The following MACROD2 variants were observed in gnomAD, a reference collection of about 807,000 sequenced individuals.
MACROD2 encodes the protein mono-ADP ribosylhydrolase 2, also known as ADP-ribose glycohydrolase MACROD2.
MACROD2 carries 36 observed loss-of-function variants against 70.4 expected under a neutral mutation model. That is an observed-to-expected ratio of 0.51 (90% CI 0.39 to 0.68). The LOEUF (loss-of-function observed/expected upper bound fraction) is 0.68, where lower values mean the gene tolerates loss of function less well. Among genes scored for constraint, MACROD2 ranks in the 30% least tolerant of loss-of-function variants. The pLI is 0.00. For synonymous variants in MACROD2, 172 were observed against 178.8 expected, an observed-to-expected ratio of 0.96 and a Z score of 0.30; for missense variants, 496 against 538.4, an observed-to-expected ratio of 0.92 and a Z score of 0.78.
intron 3 of MACROD2, among the ~76,000 whole-genome samples, chr20:14,275,161 C>T (rs577490077): frequency 6.6e-6 from 1 of 152,032 alleles, no homozygotes; most frequent in East Asian, 1.9e-4. Context: ...AAAAAAGAGC[C>T]CGCATCGCCA....
chr20:15,291,498 C>G (rs1285642993), intron 6 of MACROD2, among the ~76,000 whole-genome samples: 1 of 152,176 alleles, frequency 6.6e-6, no homozygotes, highest in Non-Finnish European at 1.5e-5. Context: ...ATTCCCAATT[C>G]CTTTAAATAA....
At chr20:15,677,233 T>C (rs2050070476) in intron 8 of MACROD2, among the ~76,000 whole-genome samples, 1 of 152,238 alleles carries the variant, frequency 6.6e-6, no homozygotes, top group Non-Finnish European at 1.5e-5. Flanking sequence ...GTTTAATTTT[T>C]ATCCTAGATA....
chr20:14,652,285 A>G (rs1985717025), intron 4 of MACROD2, among the ~76,000 whole-genome samples: 1 of 152,176 alleles, frequency 6.6e-6, no homozygotes, highest in Admixed American at 6.5e-5. Context: ...AATTTTACAC[A>G]TTTCAAAATT....
chr20:14,653,027 C>T (rs1985758186), intron 4 of MACROD2, among the ~76,000 whole-genome samples: 1 of 152,124 alleles, frequency 6.6e-6, no homozygotes, highest in Non-Finnish European at 1.5e-5. Flanking sequence ...CTTGGTTAAG[C>T]TGATTACCCT....
chr20:15,289,289 G>A (rs533674237), intron 6 of MACROD2, among the ~76,000 whole-genome samples: 2 of 152,264 alleles, frequency 1.3e-5, no homozygotes, highest in South Asian at 4.1e-4. Flanking sequence ...TTCAAGCATT[G>A]TGCTGGTAGT....
At position 14,460,410 on chromosome 20, in the gene MACROD2, T is replaced by C. The variant is rs567900308; in HGVS notation, c.272-33069T>C. ...CTGTTGTTTCCTGACTTTTTAATGA[T>C]CGCCATTCTAACTGGTGTGAGATGG... is the stretch of plus-strand genomic sequence containing the variant. On this transcript the variant is annotated intron_variant, in intron 3 of 17. Transcript: ENST00000684519. Among the ~76,000 whole-genome samples the C allele has an allele frequency of 2.0e-5, 3 of 152,262 alleles. No individual in the cohort carries two copies. In the South Asian group the frequency reaches 6.2e-4, roughly 32 times the overall value.
chr20:15,058,718 C>T (rs1049704492), intron 5 of MACROD2, among the ~76,000 whole-genome samples: 4 of 152,114 alleles, frequency 2.6e-5, no homozygotes, highest in Non-Finnish European at 4.4e-5. Flanking sequence ...AAAAGAGCTT[C>T]GTAGAGCAAC....
chr20:15,012,559 C>A (rs919959553), intron 5 of MACROD2, among the ~76,000 whole-genome samples: 1 of 152,134 alleles, frequency 6.6e-6, no homozygotes, highest in Non-Finnish European at 1.5e-5. Context: ...AAGGAGTACA[C>A]TTTTAAAATG....
At chr20:14,193,222 G>A (rs2081402517) in intron 3 of MACROD2, among the ~76,000 whole-genome samples, 1 of 152,188 alleles carries the variant, frequency 6.6e-6, no homozygotes, top group Non-Finnish European at 1.5e-5. Flanking sequence ...GGATTACATT[G>A]ATGAACACAG....
Position 15,406,018 on chromosome 20 carries a change from G to A in MACROD2, c.541-25387G>A, listed in dbSNP as rs189088677. ...ATCAGCTGAGTGAGTGTCTGCTACTGTCTACCCAGCTACCCAAAGACATAC... is the reference window on the plus strand; with the variant it reads ...ATCAGCTGAGTGAGTGTCTGCTACTATCTACCCAGCTACCCAAAGACATAC... On this transcript the variant is annotated intron_variant, in intron 6 of 17. Transcript: ENST00000684519. Among the ~76,000 whole-genome samples the A allele has an allele frequency of 6.6e-4, 100 of 152,300 alleles. 1 individual carries two copies. Among genetic ancestry groups the A allele is most frequent in the African/African-American group, 2.0e-3 (85 of 41,564 alleles).
At chr20:14,903,150 G>A (rs574231032) in intron 5 of MACROD2, among the ~76,000 whole-genome samples, 2 of 147,072 alleles carry the variant, frequency 1.4e-5, no homozygotes, top group African/African-American at 2.5e-5. Flanking sequence ...CAAGCGATTC[G>A]CCTGCCTCAG....
intron 3 of MACROD2, among the ~76,000 whole-genome samples, chr20:14,491,393 T>C (rs746234847): frequency 6.6e-6 from 1 of 152,222 alleles, no homozygotes; most frequent in Non-Finnish European, 1.5e-5. Context: ...ATCAAACAGT[T>C]TAAATTAAGA....
chr20:15,141,946 T>G (rs2076195109), intron 5 of MACROD2, among the ~76,000 whole-genome samples: 1 of 152,188 alleles, frequency 6.6e-6, no homozygotes, highest in Non-Finnish European at 1.5e-5. Flanking sequence ...CTCCATGGTC[T>G]TCTTGTGTTC....
intron 16 of MACROD2, 107 bp downstream of exon 16, chr20:16,041,385 G>A: frequency 2.3e-6 from 2 of 864,914 alleles, no homozygotes; most frequent in South Asian, 1.9e-5. Context: ...AACATATTTG[G>A]TTAGAACACA....
intron 3 of MACROD2, among the ~76,000 whole-genome samples, chr20:14,337,844 A>G (rs1044267961): frequency 6.6e-6 from 1 of 152,106 alleles, no homozygotes; most frequent in African/African-American, 2.4e-5. Context: ...GAATCTCAAC[A>G]TTTTCTAAAG....
In MACROD2 at chr20:15,249,868, A is replaced by G. The variant is rs528970219; in HGVS notation, c.540+19807A>G. 2.0e-5 allele frequency among the ~76,000 whole-genome samples: 3 copies of G among 152,372 alleles called. No individual in the cohort carries two copies. In the East Asian group the frequency reaches 5.8e-4, roughly 29 times the overall value. On this transcript the variant is annotated intron_variant, in intron 6 of 17. Coordinates refer to ENST00000684519, the MANE Select transcript of MACROD2 (RefSeq NM_001351661.2). ...ACAGCGCCAACAGGACCACCATCCCATTACCAAATAATTGTGGTTATTTAA... is the reference window on the plus strand; with the variant it reads ...ACAGCGCCAACAGGACCACCATCCCGTTACCAAATAATTGTGGTTATTTAA...
chr20:14,440,368 T>G (rs1353673701), intron 3 of MACROD2, among the ~76,000 whole-genome samples: 1 of 152,148 alleles, frequency 6.6e-6, no homozygotes, highest in African/African-American at 2.4e-5. Flanking sequence ...TTTTTGGTTT[T>G]AGCTCATCAA....
chr20:13,995,852 TAGGGTGGGGGCGGGGGTC>T lies in MACROD2; in HGVS notation c.46+47_46+64del. The T allele has an allele frequency of 7.7e-6, 6 of 782,352 alleles. No individual in the cohort carries two copies. The highest frequency in any genetic ancestry group is 1.2e-5 in the Non-Finnish European group (6 of 496,658). The allele number at this position is 782,352 out of a possible 1,614,324, so 48.5% of individuals were successfully genotyped here. A position where few individuals can be genotyped will look rare whatever the true frequency, so the allele number is the denominator to read the frequency against. ...TCCTGGGGGTGCGGGCGGTGGGGGTTAGGGTGGGGGCGGGGGTCAGGCTGTGTGTGCCGCGGCGCCCTC... is the reference window on the plus strand; with the variant it reads ...TCCTGGGGGTGCGGGCGGTGGGGGTTAGGCTGTGTGTGCCGCGGCGCCCTC... On this transcript the variant is annotated intron_variant, in intron 1 of 17. Coordinates refer to ENST00000684519, the MANE Select transcript of MACROD2 (RefSeq NM_001351661.2). The surrounding 1 kb of genome is among the most constrained non-coding windows in gnomAD (Gnocchi z 4.3).
chr20:14,545,892 C>A (rs963399482), intron 4 of MACROD2, among the ~76,000 whole-genome samples: 1 of 152,132 alleles, frequency 6.6e-6, no homozygotes, highest in Non-Finnish European at 1.5e-5. Flanking sequence ...TATCTGTATA[C>A]ATGTGCACAT....
Sources: gnomAD v4.1 joint callset for allele counts (sites outside exome capture counted in the v4.1 genomes callset) on GRCh38, gnomAD v4.1.1 for gene constraint, Gnocchi (gnomAD v3.1) non-coding constraint, MANE v1.5 for transcripts, NCBI Gene and HGNC (gene_info 2026-07-23, HGNC 2026-07-21) for gene names.